FAM131A: variants seen among roughly 807,000 people sequenced by gnomAD.
The protein encoded by FAM131A is family with sequence similarity 131 member A.
A neutral mutation model predicts 39.2 loss-of-function variants in FAM131A; 24 were observed. That is an observed-to-expected ratio of 0.61 (90% CI 0.44 to 0.86). The LOEUF (loss-of-function observed/expected upper bound fraction) is 0.86, where lower values mean the gene tolerates loss of function less well. Among genes scored for constraint, FAM131A ranks in the 40% least tolerant of loss-of-function variants. The pLI is 0.00. For missense variants in FAM131A, 373 were observed against 481.2 expected, an observed-to-expected ratio of 0.78 and a Z score of 2.10; for synonymous variants, 202 against 206.8, an observed-to-expected ratio of 0.98 and a Z score of 0.20.
At chr3:184,341,531 A>G (rs1027317908) in intron 2 of FAM131A, 193 bp from the exon 3 acceptor site, 2 of 601,898 alleles carry the variant, frequency 3.3e-6, no homozygotes, top group South Asian at 2.0e-5. Context: ...CTGAATCTCC[A>G]TTGCTTTCTG....
rs766200478 is a variant in FAM131A at position 184,344,620 on chromosome 3, G to C, written c.751G>C (p.Asp251His). 6.2e-7 allele frequency: 1 copy of C among 1,612,990 alleles called. No homozygotes were observed. Among genetic ancestry groups the C allele is most frequent in the Non-Finnish European group, 8.5e-7 (1 of 1,179,852 alleles). The change falls in exon 6 of 6, where the codon GAC becomes CAC. Residue 251 changes from aspartate (D) to histidine (H), a missense_variant. By Grantham distance (81) the Asp-to-His change is moderately conservative (BLOSUM62 -1). Around this residue, in one of 2 missense-constraint regions of FAM131A, gnomAD observed 221 missense variants for 347.7 expected, o/e 0.64. Transcript: ENST00000383847. ...ESDCSQTVSP[D>H]TLCSSLCSLE... ...CGACTGCTCACAGACCGTGTCCCCA[G>C]ACACCCTGTGCTCTAGTCTGTGCAG...
rs1727615839 is a variant in FAM131A at position 184,345,569 on chromosome 3, A to C, written c.*599A>C. 1.4e-6 allele frequency: 1 copy of C among 703,218 alleles called. No individual in the cohort carries two copies. Among genetic ancestry groups the C allele is most frequent in the African/African-American group, 1.7e-5 (1 of 57,350 alleles). The allele number at this position is 703,218 out of a possible 1,614,324, so 43.6% of individuals were successfully genotyped here. On this transcript the variant is annotated 3_prime_UTR_variant, in exon 6 of 6. Coordinates refer to ENST00000383847, the MANE Select transcript of FAM131A (RefSeq NM_144635.5). Reference sequence around the variant, plus strand: ...TAAATCTTCCTCTTTTTTCCTAAAGACAGAAGGTTTTTGGTCTGTTTTTTC... The same window carrying C: ...TAAATCTTCCTCTTTTTTCCTAAAGCCAGAAGGTTTTTGGTCTGTTTTTTC...
intron 5 of FAM131A, among the ~76,000 whole-genome samples, chr3:184,343,775 A>G (rs772820125): frequency 6.6e-6 from 1 of 152,244 alleles, no homozygotes; most frequent in Non-Finnish European, 1.5e-5. Context: ...GGCTGCTACT[A>G]GCCTGTGTGG....
Position 184,344,686 on chromosome 3 carries a change from T to C in FAM131A, c.817T>C (p.Ser273Pro). The change falls in exon 6 of 6, where the codon TCC (serine) becomes CCC (proline). Residue 273 changes from serine (S) to proline (P), a missense_variant. Ser to Pro is a moderately conservative substitution (Grantham distance 74). Coordinates refer to ENST00000383847, the MANE Select transcript of FAM131A (RefSeq NM_144635.5). ...GTTGGGCTCCCCGGCCCGGCTGGCC[T>C]CCCAGCTGCTGGGCGATGAGCTGCT... is the stretch of plus-strand genomic sequence containing the variant. ...GLLGSPARLA[S>P]QLLGDELLLA... is the part of the protein sequence containing the mutation. 1 of 1,612,492 alleles carries C rather than the reference T, an allele frequency of 6.2e-7. No homozygotes were observed. Among genetic ancestry groups the C allele is most frequent in the East Asian group, 2.2e-5 (1 of 44,872 alleles).
rs1343086122 is a variant in FAM131A at position 184,341,744 on chromosome 3, C to T, written c.252C>T (p.Val84=). The T allele has an allele frequency of 9.3e-6, 15 of 1,609,688 alleles. No homozygotes were observed. The highest frequency in any genetic ancestry group is 2.2e-5 in the East Asian group (1 of 44,888). ...DLPEVNVGDT[V]AMLPKSRRAL... is the part of the protein sequence containing the mutation. ...CCAAGGTGAATGTTGGAGACACAGTCGCGATGCTGCCCAAGTCCCGGCGAG... is the reference window on the plus strand; with the variant it reads ...CCAAGGTGAATGTTGGAGACACAGTTGCGATGCTGCCCAAGTCCCGGCGAG... Residue 84 remains valine, a synonymous_variant, in exon 3 of 6, where the codon GTC becomes GTT. Coordinates refer to ENST00000383847, the MANE Select transcript of FAM131A (RefSeq NM_144635.5).
At position 184,344,926 on chromosome 3, in the gene FAM131A, G is replaced by A. The variant is rs1433591295; in HGVS notation, c.1057G>A (p.Val353Met). Residue 353 changes from valine (V) to methionine (M), a missense_variant, in exon 6 of 6, where the codon GTG becomes ATG. Physicochemically the swap from Val to Met is conservative, Grantham distance 21 (BLOSUM62 1). Coordinates refer to ENST00000383847, the MANE Select transcript of FAM131A (RefSeq NM_144635.5). Reference sequence around the variant, plus strand: ...AGCCTCTGACCTGGCCTCTTCTGGGGTGGTGTCCTTAGATGAGGATGAGGC... The same window carrying A: ...AGCCTCTGACCTGGCCTCTTCTGGGATGGTGTCCTTAGATGAGGATGAGGC... Reference protein sequence around the residue: ...RQASDLASSGVVSLDEDEAEP... With the variant: ...RQASDLASSGMVSLDEDEAEP... 6.2e-7 allele frequency: 1 copy of A among 1,602,038 alleles called. No individual in the cohort carries two copies. The highest frequency in any genetic ancestry group is 8.5e-7 in the Non-Finnish European group (1 of 1,178,110).
Position 184,345,418 on chromosome 3 carries a change from T to C in FAM131A, c.*448T>C. 2 of 670,022 alleles carry C rather than the reference T, an allele frequency of 3.0e-6. No homozygotes were observed. The highest frequency in any genetic ancestry group is 5.3e-6 in the Non-Finnish European group (2 of 374,508). 41.5% of individuals were successfully genotyped at this position (670,022 alleles called of 1,614,324 possible). The stretch of plus-strand genomic sequence containing the variant: ...CACTTCCGAGTCCATGTGCAGTGCT[T>C]GATAGAATCACCCCCACCTGGAGGG... On this transcript the variant is annotated 3_prime_UTR_variant, in exon 6 of 6. Coordinates refer to ENST00000383847, the MANE Select transcript of FAM131A (RefSeq NM_144635.5).
intron 2 of FAM131A, chr3:184,340,768 C>T (rs1727336401): frequency 6.6e-6 from 1 of 152,202 alleles, no homozygotes; most frequent in South Asian, 2.1e-4. Flanking sequence ...CAAAAGAGAC[C>T]ATTATTACTC....
rs1056889602 is a variant in FAM131A, at chr3:184,345,063, G to A, written c.*93G>A. The A allele has an allele frequency of 8.1e-7, 1 of 1,228,852 alleles. No homozygotes were observed. The highest frequency in any genetic ancestry group is 2.6e-5 in the East Asian group (1 of 38,996). 76.1% of individuals were successfully genotyped at this position (1,228,852 alleles called of 1,614,324 possible). A position where few individuals can be genotyped will look rare whatever the true frequency, so the allele number is the denominator to read the frequency against. Reference sequence around the variant, plus strand: ...GTGTGGGCTCAAGGCTCCCAGCAGAGCTCCACAGCCTAGAGGGCTCCTGGG... The same window carrying A: ...GTGTGGGCTCAAGGCTCCCAGCAGAACTCCACAGCCTAGAGGGCTCCTGGG... On this transcript the variant is annotated 3_prime_UTR_variant, in exon 6 of 6. Coordinates refer to ENST00000383847, the MANE Select transcript of FAM131A (RefSeq NM_144635.5).
Position 184,345,750 on chromosome 3 carries a change from T to A in FAM131A, c.*780T>A, listed in dbSNP as rs1018794089. The A allele has an allele frequency of 3.9e-5, 23 of 595,018 alleles. No homozygotes were observed. Among genetic ancestry groups the A allele is most frequent in the Non-Finnish European group, 6.5e-5 (22 of 337,242 alleles). 36.9% of individuals were successfully genotyped at this position (595,018 alleles called of 1,614,324 possible). A position where few individuals can be genotyped will look rare whatever the true frequency, so the allele number is the denominator to read the frequency against. Reference sequence around the variant, plus strand: ...GCCTCACAGCCAGCCGGGCTGCCCATTCACGCAGAGCTCTCTGAGCGGGAG... The same window carrying A: ...GCCTCACAGCCAGCCGGGCTGCCCAATCACGCAGAGCTCTCTGAGCGGGAG... On this transcript the variant is annotated 3_prime_UTR_variant, in exon 6 of 6. Coordinates refer to ENST00000383847, the MANE Select transcript of FAM131A (RefSeq NM_144635.5).
intron 1 of FAM131A, 57 bp downstream of exon 1, chr3:184,337,775 G>A (rs1288811623): frequency 2.3e-5 from 34 of 1,488,826 alleles, no homozygotes; most frequent in Non-Finnish European, 2.7e-5. Context: ...GAGCAGTAGG[G>A]TGCTTAGGTG....
intron 5 of FAM131A, among the ~76,000 whole-genome samples, chr3:184,343,667 A>G (rs1366758284): frequency 1.3e-5 from 2 of 152,242 alleles, no homozygotes; most frequent in African/African-American, 4.8e-5. Flanking sequence ...GGTTGTCTGA[A>G]GCCAAGATGG....
Position 184,344,872 on chromosome 3 carries a change from C to T in FAM131A, c.1003C>T (p.Leu335=). 6.2e-7 allele frequency: 1 copy of T among 1,611,128 alleles called. No individual in the cohort carries two copies. ...GGACTGCCAGCCACTCTGCCCACCA[C>T]TAACGGGCAGCTGGGAACGGCAGCG... is the stretch of plus-strand genomic sequence containing the variant. ...CKDCQPLCPP[L]TGSWERQRQA... Residue 335 remains leucine, a synonymous_variant, in exon 6 of 6, where the codon CTA becomes TTA. Transcript: ENST00000383847.
rs574654085 is a variant in FAM131A at position 184,338,911 on chromosome 3, C to T, written c.231+382C>T. ...GGAGGGAGAGCAAGCTAAGAAACACCCAGCAGGTGCTCCCCCGCCTAGGCC... is the reference window on the plus strand; with the variant it reads ...GGAGGGAGAGCAAGCTAAGAAACACTCAGCAGGTGCTCCCCCGCCTAGGCC... On this transcript the variant is annotated intron_variant, in intron 2 of 5. Transcript: ENST00000383847. The T allele has an allele frequency of 1.1e-4, 22 of 192,296 alleles. No individual in the cohort carries two copies. The South Asian group carries it at 1.8e-3, about 16-fold the overall frequency. The allele number at this position is 192,296 out of a possible 1,614,324, so 11.9% of individuals were successfully genotyped here.
intron 2 of FAM131A, chr3:184,338,801 A>C: frequency 2.4e-6 from 1 of 424,816 alleles, no homozygotes; most frequent in Non-Finnish European, 4.2e-6. Context: ...GTTGCCAGGG[A>C]GACATACACC....
rs188470962 is a variant in FAM131A at position 184,338,034 on chromosome 3, G to T, written c.88+316G>T. 1.4e-4 allele frequency among the ~76,000 whole-genome samples: 21 copies of T among 150,676 alleles called. No homozygotes were observed. The East Asian group carries it at 3.9e-3, about 28-fold the overall frequency. ...GCAAAGGGTCCAGGGTGGCGGTGGTGGGGGGGACAGTGATGGCGGAAGAAC... is the reference window on the plus strand; with the variant it reads ...GCAAAGGGTCCAGGGTGGCGGTGGTTGGGGGGACAGTGATGGCGGAAGAAC... On this transcript the variant is annotated intron_variant, in intron 1 of 5. Coordinates refer to ENST00000383847, the MANE Select transcript of FAM131A (RefSeq NM_144635.5).
rs938957742 is a variant in FAM131A, at chr3:184,338,647, C to T, written c.231+118C>T. 4.3e-6 allele frequency: 6 copies of T among 1,395,472 alleles called. No individual in the cohort carries two copies. The Admixed American group carries it at 1.5e-4, about 34-fold the overall frequency. The allele number at this position is 1,395,472 out of a possible 1,614,324, so 86.4% of individuals were successfully genotyped here. A position where few individuals can be genotyped will look rare whatever the true frequency, so the allele number is the denominator to read the frequency against. The stretch of plus-strand genomic sequence containing the variant: ...CTCCCTTTTCCGGCGGGCGGAGGCG[C>T]TATCCGGCGGCGGGCCGGGAGGCCG... On this transcript the variant is annotated intron_variant, in intron 2 of 5. Coordinates refer to ENST00000383847, the MANE Select transcript of FAM131A (RefSeq NM_144635.5).
Position 184,342,016 on chromosome 3 carries a change from C to A in FAM131A, c.326-50C>A. 1 of 1,609,136 alleles carries A rather than the reference C, an allele frequency of 6.2e-7. No individual in the cohort carries two copies. Among genetic ancestry groups the A allele is most frequent in the South Asian group, 1.1e-5 (1 of 90,984 alleles). ...ACCCTTCCACCTCCCTGCACCTGTG[C>A]TCCCTGGCCTGGTCCTTTACCAGGC... On this transcript the variant is annotated intron_variant, in intron 3 of 5. Coordinates refer to ENST00000383847, the MANE Select transcript of FAM131A (RefSeq NM_144635.5). The surrounding 1 kb of genome is among the most constrained non-coding windows in gnomAD (Gnocchi z 4.6).
At chr3:184,343,406 C>T (rs1040181290) in intron 5 of FAM131A, among the ~76,000 whole-genome samples, 1 of 152,238 alleles carries the variant, frequency 6.6e-6, no homozygotes, top group Non-Finnish European at 1.5e-5. Context: ...CCAGTGCTTG[C>T]AGAGGGGACC....
Sources: allele counts gnomAD v4.1 joint callset (sites outside exome capture counted in the v4.1 genomes callset), GRCh38; gene constraint gnomAD v4.1.1; regional missense constraint gnomAD v4.1.1; non-coding constraint Gnocchi (gnomAD v3.1); transcripts MANE v1.5; gene names NCBI Gene and HGNC (gene_info 2026-07-23, HGNC 2026-07-21).